F13A1: variants seen among roughly 807,000 people sequenced by gnomAD.
The protein encoded by F13A1 is coagulation factor XIII A chain, also known as FSF, A subunit.
Under a neutral mutation model 80.1 loss-of-function variants are expected in F13A1, and 47 were observed. The ratio of observed to expected loss-of-function variants is 0.59; its 90% CI spans 0.46 to 0.75. The LOEUF (loss-of-function observed/expected upper bound fraction) is 0.75, where lower values mean the gene tolerates loss of function less well. F13A1 is among the 30% of genes least tolerant of loss of function. F13A1 has a pLI of 0.00. For synonymous variants in F13A1, 349 were observed against 344.9 expected (o/e 1.01, Z -0.13); for missense variants, 817 against 930.4 (o/e 0.88, Z 1.59).
intron 8 of F13A1, among the ~76,000 whole-genome samples, chr6:6,211,830 G>A (rs1178773376): frequency 2.6e-5 from 4 of 152,250 alleles, no homozygotes; most frequent in Admixed American, 6.5e-5. Flanking sequence ...CGCACCATGC[G>A]CGAGCCAAAG....
intron 13 of F13A1, 87 bp downstream of exon 13, chr6:6,167,371 C>A: frequency 1.5e-6 from 2 of 1,319,288 alleles, no homozygotes; most frequent in Non-Finnish European, 2.2e-6. Context: ...TTCACACACA[C>A]ACACACATAC....
intron 11 of F13A1, among the ~76,000 whole-genome samples, chr6:6,177,854 T>C (rs571117297): frequency 6.6e-6 from 1 of 152,048 alleles, no homozygotes. Flanking sequence ...CTCGGAGTTT[T>C]TGGAGCGAGG....
rs1300282067 is a variant in F13A1, at chr6:6,162,240, T to G, written c.1908+5218A>C. Among the ~76,000 whole-genome samples, 2 of 138,360 alleles carry G rather than the reference T, an allele frequency of 1.4e-5. No individual in the cohort carries two copies. Among genetic ancestry groups the G allele is most frequent in the Non-Finnish European group, 3.2e-5 (2 of 61,718 alleles). 90.8% of individuals were successfully genotyped at this position (138,360 alleles called of 152,430 possible). ...TCAAGCTATCTTTTTCAGGTTACCC[T>G]TACTCATCCCTGCTCCCAGCCTCCA... On this transcript the variant is annotated intron_variant, in intron 13 of 14. Transcript: ENST00000264870. The surrounding 1 kb of genome is among the most constrained non-coding windows in gnomAD (Gnocchi z 4.2).
chr6:6,186,849 C>T (rs1761088672), intron 10 of F13A1, among the ~76,000 whole-genome samples: 1 of 149,920 alleles, frequency 6.7e-6, no homozygotes, highest in Non-Finnish European at 1.5e-5. Context: ...ATTCTTCCTA[C>T]CCATGAGCAT....
At chr6:6,273,008 G>A (rs1341457005) in intron 3 of F13A1, among the ~76,000 whole-genome samples, 1 of 152,026 alleles carries the variant, frequency 6.6e-6, no homozygotes, top group Non-Finnish European at 1.5e-5. Flanking sequence ...TGCTTTCTGA[G>A]GATACCCTAC....
At chr6:6,240,333 G>A (rs1757468580) in intron 6 of F13A1, among the ~76,000 whole-genome samples, 1 of 152,098 alleles carries the variant, frequency 6.6e-6, no homozygotes. Flanking sequence ...TTTACCATAA[G>A]AGAAAAAAGA....
Position 6,162,360 on chromosome 6 carries a change from C to T in F13A1, c.1908+5098G>A, listed in dbSNP as rs961510193. On this transcript the variant is annotated intron_variant, in intron 13 of 14. Coordinates refer to ENST00000264870, the MANE Select transcript of F13A1 (RefSeq NM_000129.4). The surrounding 1 kb of genome is among the most constrained non-coding windows in gnomAD (Gnocchi z 4.2). ...TTTTCTTCCTAGTATCTGAAGGGGTCTCTCCATCCATCTCTACTGGTTGAA... is the reference window on the plus strand; with the variant it reads ...TTTTCTTCCTAGTATCTGAAGGGGTTTCTCCATCCATCTCTACTGGTTGAA... Among the ~76,000 whole-genome samples the T allele has an allele frequency of 6.6e-6, 1 of 152,222 alleles. No individual in the cohort carries two copies. Among genetic ancestry groups the T allele is most frequent in the African/African-American group, 2.4e-5 (1 of 41,438 alleles).
rs1757272033 is a variant in F13A1 at position 6,226,045 on chromosome 6, A to G, written c.799-1185T>C. On this transcript the variant is annotated intron_variant, in intron 6 of 14. Transcript: ENST00000264870. ...CAGCAGACCTAAAGTGCAGGAGCAA[A>G]GACCTTTTGTGTTTACATAGTAAAA... Among the ~76,000 whole-genome samples the G allele has an allele frequency of 2.0e-5, 3 of 152,332 alleles. No individual in the cohort carries two copies. The South Asian group carries it at 6.2e-4, about 32-fold the overall frequency.
intron 8 of F13A1, among the ~76,000 whole-genome samples, chr6:6,210,699 G>A (rs939700025): frequency 2.6e-5 from 4 of 151,596 alleles, no homozygotes; most frequent in Admixed American, 2.0e-4. Flanking sequence ...AGGCCGTGAA[G>A]CATATTTTAA....
chr6:6,273,494 A>C (rs1025782280), intron 3 of F13A1, among the ~76,000 whole-genome samples: 5 of 152,184 alleles, frequency 3.3e-5, no homozygotes, highest in Non-Finnish European at 7.4e-5. Context: ...ATATAAACAC[A>C]TTTTAAGCTG....
intron 8 of F13A1, among the ~76,000 whole-genome samples, chr6:6,216,278 A>G (rs1187963101): frequency 6.6e-6 from 1 of 151,980 alleles, no homozygotes; most frequent in Non-Finnish European, 1.5e-5. Context: ...TTCAAACTAT[A>G]CTACAAGGCT....
intron 13 of F13A1, among the ~76,000 whole-genome samples, chr6:6,166,653 C>T (rs994507823): frequency 6.6e-6 from 1 of 152,184 alleles, no homozygotes; most frequent in Non-Finnish European, 1.5e-5. Context: ...GATGCAACCA[C>T]AGATGCCCCC....
Position 6,250,272 on chromosome 6 carries a change from A to G in F13A1, c.690+539T>C, listed in dbSNP as rs1038572941. Among the ~76,000 whole-genome samples, 1 of 152,198 alleles carries G rather than the reference A, an allele frequency of 6.6e-6. No individual in the cohort carries two copies. Among genetic ancestry groups the G allele is most frequent in the Non-Finnish European group, 1.5e-5 (1 of 68,036 alleles). On this transcript the variant is annotated intron_variant, in intron 5 of 14. Transcript: ENST00000264870. The surrounding 1 kb of genome is among the most constrained non-coding windows in gnomAD (Gnocchi z 4.2). ...AATAGTTTGAATGACTGAACATCTT[A>G]AAGAAATGCCATTTGCTACTTTGTG...
At chr6:6,274,853 G>A (rs1323533496) in intron 3 of F13A1, among the ~76,000 whole-genome samples, 1 of 152,158 alleles carries the variant, frequency 6.6e-6, no homozygotes, top group African/African-American at 2.4e-5. Context: ...CTTCCCAGCT[G>A]GGGGAGTAAC....
chr6:6,252,892 C>T (rs960859162), intron 4 of F13A1, among the ~76,000 whole-genome samples: 3 of 152,090 alleles, frequency 2.0e-5, no homozygotes, highest in Admixed American at 2.0e-4. Flanking sequence ...GGCGTGGTGG[C>T]TCATGCTTGT....
chr6:6,196,572 T>C (rs1308502190), intron 9 of F13A1, among the ~76,000 whole-genome samples: 1 of 152,226 alleles, frequency 6.6e-6, no homozygotes, highest in East Asian at 1.9e-4. Context: ...TTTATGCATG[T>C]TCCTGTGTGT....
chr6:6,212,689 G>A (rs1312658091), intron 8 of F13A1, among the ~76,000 whole-genome samples: 1 of 152,252 alleles, frequency 6.6e-6, no homozygotes, highest in Non-Finnish European at 1.5e-5. Flanking sequence ...GAATAACTTT[G>A]ACGAGCTGAG....
Position 6,175,475 on chromosome 6 carries a change from C to T in F13A1, c.1460-608G>A, listed in dbSNP as rs551608927. Among the ~76,000 whole-genome samples the T allele has an allele frequency of 2.6e-5, 4 of 152,296 alleles. No homozygotes were observed. In the South Asian group the frequency reaches 8.3e-4, roughly 32 times the overall value. On this transcript the variant is annotated intron_variant, in intron 11 of 14. Coordinates refer to ENST00000264870, the MANE Select transcript of F13A1 (RefSeq NM_000129.4). Reference sequence around the variant, plus strand: ...ACCCATGCCATGGCAGAAGGTTCTACCAAAACTTGCATCCCCCAGTCCCCA... The same window carrying T: ...ACCCATGCCATGGCAGAAGGTTCTATCAAAACTTGCATCCCCCAGTCCCCA...
chr6:6,205,441 C>T (rs1228568695), intron 8 of F13A1, among the ~76,000 whole-genome samples: 1 of 152,222 alleles, frequency 6.6e-6, no homozygotes, highest in East Asian at 1.9e-4. Context: ...GGCTAGATAC[C>T]AGTCCAGATG....
Sources: allele counts gnomAD v4.1 joint callset (sites outside exome capture counted in the v4.1 genomes callset), GRCh38; gene constraint gnomAD v4.1.1; non-coding constraint Gnocchi (gnomAD v3.1); transcripts MANE v1.5; gene names NCBI Gene and HGNC (gene_info 2026-07-23, HGNC 2026-07-21).